The following DSCAM variants were observed in gnomAD, a reference collection of about 807,000 sequenced individuals.
DSCAM encodes the protein DS cell adhesion molecule.
DSCAM carries 47 observed loss-of-function variants against 217.7 expected under a neutral mutation model. The ratio of observed to expected loss-of-function variants is 0.22; its 90% CI spans 0.17 to 0.28. DSCAM has a LOEUF of 0.28. Among genes scored for constraint, DSCAM ranks in the 10% least tolerant of loss-of-function variants. DSCAM has a pLI of 1.00. For synonymous variants in DSCAM, 1,056 were observed against 1,015.3 expected, an observed-to-expected ratio of 1.04 and a Z score of -0.76; for missense variants, 2,080 against 2,618.3, an observed-to-expected ratio of 0.79 and a Z score of 4.49.
intron 1 of DSCAM, among the ~76,000 whole-genome samples, chr21:40,790,543 T>A (rs1370416759): frequency 6.6e-6 from 1 of 152,196 alleles, no homozygotes; most frequent in African/African-American, 2.4e-5. Context: ...GAATTCACCA[T>A]CCTTCATGGG....
At chr21:40,756,239 G>A (rs560693671) in intron 1 of DSCAM, among the ~76,000 whole-genome samples, 1 of 152,238 alleles carries the variant, frequency 6.6e-6, no homozygotes, top group African/African-American at 2.4e-5. Flanking sequence ...TCCCGCTCTG[G>A]CCATAGGAGC....
At chr21:40,519,848 CTCTG>C (rs1400009825) in intron 3 of DSCAM, among the ~76,000 whole-genome samples, 2 of 150,224 alleles carry the variant, frequency 1.3e-5, no homozygotes, top group African/African-American at 2.5e-5. Context: ...CTCTCTCTCT[CTCTG>C]TGTGTGTGTA....
chr21:40,081,113 G>A (rs1276759553), intron 24 of DSCAM, among the ~76,000 whole-genome samples: 1 of 152,156 alleles, frequency 6.6e-6, no homozygotes, highest in African/African-American at 2.4e-5. Flanking sequence ...GCTGAAAGGA[G>A]GATGCAGATC....
At chr21:40,639,760 C>A (rs1385108163) in intron 3 of DSCAM, among the ~76,000 whole-genome samples, 1 of 151,958 alleles carries the variant, frequency 6.6e-6, no homozygotes, top group East Asian at 1.9e-4. Flanking sequence ...AAAGTTACAG[C>A]CCCAGGAGAA....
chr21:40,795,249 C>T (rs1011380184), intron 1 of DSCAM, among the ~76,000 whole-genome samples: 2 of 152,178 alleles, frequency 1.3e-5, no homozygotes, highest in East Asian at 1.9e-4. Context: ...CACACAAACA[C>T]ATCTATCCCA....
chr21:40,685,600 G>A (rs1332601341), intron 3 of DSCAM, among the ~76,000 whole-genome samples: 1 of 152,158 alleles, frequency 6.6e-6, no homozygotes, highest in Non-Finnish European at 1.5e-5. Flanking sequence ...AGACCCCTGA[G>A]AGCTGGGGCC....
intron 1 of DSCAM, among the ~76,000 whole-genome samples, chr21:40,809,196 T>A (rs2091815333): frequency 6.6e-6 from 1 of 151,812 alleles, no homozygotes; most frequent in African/African-American, 2.4e-5. Context: ...ACCACCACGA[T>A]AAAGGCAAGA....
intron 1 of DSCAM, among the ~76,000 whole-genome samples, chr21:40,776,396 C>A (rs1159871792): frequency 1.3e-5 from 2 of 152,086 alleles, no homozygotes; most frequent in Non-Finnish European, 2.9e-5. Flanking sequence ...GCGGATGAGA[C>A]AGATTTAATC....
intron 3 of DSCAM, among the ~76,000 whole-genome samples, chr21:40,508,783 ATTTTTTTTTTT>A (rs1178142732): frequency 8.3e-5 from 2 of 24,216 alleles, no homozygotes; most frequent in Non-Finnish European, 1.4e-4. Context: ...ATATATATAT[ATTTTTTTTTTT>A]TTTTTTTTTT....
chr21:40,691,521 G>A (rs940846082), intron 3 of DSCAM, among the ~76,000 whole-genome samples: 27 of 152,112 alleles, frequency 1.8e-4, no homozygotes, highest in Admixed American at 1.2e-3. Context: ...CAACTAACAT[G>A]ACCCCTAAGG....
intron 6 of DSCAM, among the ~76,000 whole-genome samples, chr21:40,342,645 T>C (rs938791122): frequency 3.7e-5 from 4 of 109,414 alleles, no homozygotes; most frequent in Non-Finnish European, 7.3e-5. Flanking sequence ...TATATATATA[T>C]ATATTTTTTT....
At chr21:40,728,672 A>T (rs2090982825) in intron 1 of DSCAM, among the ~76,000 whole-genome samples, 1 of 152,098 alleles carries the variant, frequency 6.6e-6, no homozygotes, top group Admixed American at 6.5e-5. Context: ...CACCTGCCTC[A>T]GCCTCCCAAA....
At position 40,144,850 on chromosome 21, in the gene DSCAM, G is replaced by T; in HGVS notation, c.3019-119C>A. 2.1e-6 allele frequency: 3 copies of T among 1,440,352 alleles called. No homozygotes were observed. The South Asian group carries it at 3.9e-5, about 19-fold the overall frequency. The allele number at this position is 1,440,352 out of a possible 1,614,324, so 89.2% of individuals were successfully genotyped here. A position where few individuals can be genotyped will look rare whatever the true frequency, so the allele number is the denominator to read the frequency against. ...GTGGAGTCATCGCCACGATGCTGGG[G>T]CGGTGGTCCGGTAGCAGCCGCAAAC... On this transcript the variant is annotated intron_variant, in intron 16 of 32. Transcript: ENST00000400454. This position sits in a 1 kb window ranked among gnomAD's most constrained non-coding sequence, Gnocchi z 4.8.
intron 3 of DSCAM, chr21:40,513,071 T>C (rs1417320037): frequency 1.3e-5 from 2 of 152,126 alleles, no homozygotes; most frequent in Admixed American, 1.3e-4. Context: ...TGCTAATTTG[T>C]TGTATTTTTA....
chr21:40,512,494 T>C (rs2076267270), intron 3 of DSCAM, among the ~76,000 whole-genome samples: 1 of 152,064 alleles, frequency 6.6e-6, no homozygotes, highest in East Asian at 1.9e-4. Flanking sequence ...TCAAAGCCTG[T>C]AGGAGAAGTG....
chr21:40,254,901 T>G (rs1410599254), intron 11 of DSCAM, among the ~76,000 whole-genome samples: 2 of 152,000 alleles, frequency 1.3e-5, no homozygotes, highest in Non-Finnish European at 2.9e-5. Flanking sequence ...ATCTAGTAAG[T>G]GCCTTCATTA....
intron 3 of DSCAM, among the ~76,000 whole-genome samples, chr21:40,668,888 A>T (rs1349946960): frequency 6.6e-6 from 1 of 151,846 alleles, no homozygotes; most frequent in Non-Finnish European, 1.5e-5. Flanking sequence ...ATTGGGAAAA[A>T]AACAAAGAAA....
At chr21:40,456,880 T>C (rs1569131548) in intron 3 of DSCAM, among the ~76,000 whole-genome samples, 2 of 152,152 alleles carry the variant, frequency 1.3e-5, no homozygotes, top group Admixed American at 6.5e-5. Flanking sequence ...CACAAAACCA[T>C]AGCAAAGTAT....
At chr21:40,316,036 C>T (rs993408472) in intron 8 of DSCAM, among the ~76,000 whole-genome samples, 2 of 152,044 alleles carry the variant, frequency 1.3e-5, no homozygotes, top group African/African-American at 4.8e-5. Context: ...AATACAAAAT[C>T]GTAATACTTA....
Sources: allele counts gnomAD v4.1 joint callset (sites outside exome capture counted in the v4.1 genomes callset), GRCh38; gene constraint gnomAD v4.1.1; non-coding constraint Gnocchi (gnomAD v3.1); transcripts MANE v1.5; gene names NCBI Gene and HGNC (gene_info 2026-07-23, HGNC 2026-07-21).